Variants in FCHSD2 observed in about 807,000 individuals in gnomAD.
The protein encoded by FCHSD2 is FCH and double SH3 domains 2, also known as F-BAR and double SH3 domains protein 2.
In FCHSD2, 38 loss-of-function variants were observed where a neutral mutation model predicts 108.1. The ratio of observed to expected loss-of-function variants is 0.35; its 90% CI spans 0.27 to 0.46. FCHSD2 has a LOEUF of 0.46. Among genes scored for constraint, FCHSD2 ranks in the 20% least tolerant of loss-of-function variants. FCHSD2 has a pLI of 1.00. For missense variants in FCHSD2, 751 were observed against 897.8 expected (o/e 0.84, Z 2.09); for synonymous variants, 279 against 314.7 (o/e 0.89, Z 1.20).
chr11:72,900,467 AAGTG>A (rs1465859843), intron 10 of FCHSD2: 1 of 616,768 alleles, frequency 1.6e-6, no homozygotes, highest in Non-Finnish European at 2.9e-6. Flanking sequence ...GGCTGGGAAA[AAGTG>A]AGATGAGAGT....
intron 12 of FCHSD2, among the ~76,000 whole-genome samples, chr11:72,873,070 C>G (rs1591360221): frequency 2.0e-5 from 3 of 151,848 alleles, no homozygotes; most frequent in African/African-American, 7.2e-5. Context: ...TGGCTCATGC[C>G]TATAATCCCA....
intron 5 of FCHSD2, among the ~76,000 whole-genome samples, chr11:72,991,861 T>A (rs1330459558): frequency 4.6e-5 from 7 of 152,202 alleles, no homozygotes; most frequent in African/African-American, 1.7e-4. Context: ...AAGACAGGGA[T>A]GCCCTCTCTC....
intron 8 of FCHSD2, among the ~76,000 whole-genome samples, chr11:72,950,174 C>G (rs979364877): frequency 3.3e-5 from 5 of 151,994 alleles, no homozygotes; most frequent in African/African-American, 7.3e-5. Flanking sequence ...AATCCTTGCC[C>G]TTTTAAAAAA....
intron 14 of FCHSD2, among the ~76,000 whole-genome samples, chr11:72,846,323 G>C (rs552625457): frequency 1.6e-3 from 240 of 152,026 alleles, no homozygotes; most frequent in Non-Finnish European, 3.0e-3. Flanking sequence ...TGGGATTACA[G>C]GTGCACACCA....
intron 9 of FCHSD2, among the ~76,000 whole-genome samples, chr11:72,903,309 C>T (rs974129367): frequency 6.6e-6 from 1 of 152,064 alleles, no homozygotes; most frequent in Non-Finnish European, 1.5e-5. Context: ...CTCCGCCTCC[C>T]GGGTTCATGC....
intron 1 of FCHSD2, chr11:73,141,473 T>G: frequency 4.0e-6 from 1 of 249,518 alleles, no homozygotes; most frequent in Non-Finnish European, 7.8e-6. Flanking sequence ...TCAAAGCTGG[T>G]GCAGACTAAA....
At chr11:73,118,120 A>C (rs1860646733) in intron 2 of FCHSD2, among the ~76,000 whole-genome samples, 1 of 152,122 alleles carries the variant, frequency 6.6e-6, no homozygotes, top group Admixed American at 6.6e-5. Flanking sequence ...CATTCCCGAG[A>C]CCAGCCTGGC....
rs538975169 is a variant in FCHSD2 at position 73,119,471 on chromosome 11, T to G, written c.119+20560A>C. ...AAATCTCCTACTATGATGACAGATT[T>G]GTTTTTTAATACATATGGGGTCTCA... On this transcript the variant is annotated intron_variant, in intron 2 of 19. Transcript: ENST00000409418. 2.6e-5 allele frequency among the ~76,000 whole-genome samples: 4 copies of G among 152,352 alleles called. 1 individual carries two copies. The highest frequency in any genetic ancestry group is 9.6e-5 in the African/African-American group (4 of 41,576).
intron 13 of FCHSD2, among the ~76,000 whole-genome samples, chr11:72,852,489 A>G (rs1172065508): frequency 1.3e-5 from 2 of 152,148 alleles, no homozygotes; most frequent in African/African-American, 4.8e-5. Flanking sequence ...AAAATGGCGA[A>G]ACCTTGTCTC....
At chr11:72,843,419 A>G in intron 15 of FCHSD2, 30 bp downstream of exon 15, 1 of 1,608,488 alleles carries the variant, frequency 6.2e-7, no homozygotes, top group Non-Finnish European at 8.5e-7. Context: ...AAATGTCACA[A>G]GAAAGGGCGA....
chr11:73,025,777 T>G (rs184373248), intron 3 of FCHSD2, among the ~76,000 whole-genome samples: 3 of 152,280 alleles, frequency 2.0e-5, no homozygotes, highest in African/African-American at 7.2e-5. Context: ...GACTAAGAAT[T>G]TTTTTAAAGC....
At chr11:73,103,781 A>T (rs1165796926) in intron 2 of FCHSD2, among the ~76,000 whole-genome samples, 1 of 152,184 alleles carries the variant, frequency 6.6e-6, no homozygotes, top group Non-Finnish European at 1.5e-5. Flanking sequence ...ATTTATGTAA[A>T]TTTTTCTAGA....
At chr11:73,023,771 T>C (rs916447238) in intron 3 of FCHSD2, among the ~76,000 whole-genome samples, 4 of 152,190 alleles carry the variant, frequency 2.6e-5, no homozygotes, top group African/African-American at 9.7e-5. Flanking sequence ...CTTCAGTAGG[T>C]GAATGGATAA....
Position 72,867,850 on chromosome 11 carries a change from G to A in FCHSD2, c.1308+15C>T, listed in dbSNP as rs777688148. 3.7e-6 allele frequency: 6 copies of A among 1,605,694 alleles called. No homozygotes were observed. The African/African-American group carries it at 8.0e-5, about 21-fold the overall frequency. The stretch of plus-strand genomic sequence containing the variant: ...GTGAAAATCAACTTGTCATATCCAA[G>A]AAAAGAAATCGTACCGAGTGTAAAG... On this transcript the variant is annotated intron_variant, in intron 13 of 19. Transcript: ENST00000409418.
chr11:72,844,560 G>A (rs1005481169), intron 14 of FCHSD2, among the ~76,000 whole-genome samples: 3 of 152,118 alleles, frequency 2.0e-5, no homozygotes, highest in Admixed American at 6.5e-5. Context: ...TAAACGCTCT[G>A]AGGCTCCACA....
intron 3 of FCHSD2, among the ~76,000 whole-genome samples, chr11:73,076,907 G>A (rs1020032699): frequency 4.6e-5 from 7 of 151,824 alleles, no homozygotes; most frequent in Non-Finnish European, 8.8e-5. Context: ...TCAGGAGATC[G>A]AGACCAACCT....
intron 8 of FCHSD2, among the ~76,000 whole-genome samples, chr11:72,927,169 A>G (rs1856093354): frequency 6.6e-6 from 1 of 152,224 alleles, no homozygotes; most frequent in African/African-American, 2.4e-5. Flanking sequence ...GATCCTTCAG[A>G]TACGAGCTGC....
chr11:73,015,929 T>C, intron 3 of FCHSD2, 44 bp from the exon 4 acceptor site: 2 of 1,077,540 alleles, frequency 1.9e-6, no homozygotes, highest in Non-Finnish European at 2.7e-6. Flanking sequence ...TATTATGCCA[T>C]AAAGGAAGCT....
intron 9 of FCHSD2, among the ~76,000 whole-genome samples, chr11:72,903,597 A>C (rs985954556): frequency 9.2e-5 from 14 of 152,142 alleles, no homozygotes; most frequent in African/African-American, 3.4e-4. Flanking sequence ...AAAAGAATTC[A>C]TTGCATTTAC....
Sources: gnomAD v4.1 joint callset for allele counts (sites outside exome capture counted in the v4.1 genomes callset) on GRCh38, gnomAD v4.1.1 for gene constraint, MANE v1.5 for transcripts, NCBI Gene and HGNC (gene_info 2026-07-23, HGNC 2026-07-21) for gene names.